Variants in MALT1 observed in about 807,000 individuals in gnomAD.
MALT1 encodes the protein MALT1 paracaspase.
MALT1 carries 36 observed loss-of-function variants against 85.5 expected under a neutral mutation model. The ratio of observed to expected loss-of-function variants is 0.42; its 90% CI spans 0.32 to 0.56. MALT1 has a LOEUF of 0.56. Ranked by LOEUF, MALT1 falls within the 20% of genes least tolerant of loss-of-function variation. The pLI is 0.10. For missense variants in MALT1, 716 were observed against 981.6 expected, an observed-to-expected ratio of 0.73 and a Z score of 3.62; for synonymous variants, 359 against 361.3, an observed-to-expected ratio of 0.99 and a Z score of 0.07.
At chr18:58,736,966 A>G (rs967114997) in intron 13 of MALT1, among the ~76,000 whole-genome samples, 2 of 152,258 alleles carry the variant, frequency 1.3e-5, no homozygotes, top group African/African-American at 4.8e-5. Flanking sequence ...AAGTAGTTGT[A>G]TGAAATTTTT....
rs772472384 is a variant in MALT1, at chr18:58,747,434, A to C, written c.2067A>C (p.Ser689=). ...KEHLVFTVCL[S]YQYSGLEDTV... Reference sequence around the variant, plus strand: ...ATCTAGTCTTCACAGTATGTTTATCATATCAGTACTCAGGATTGGAAGATA... The same window carrying C: ...ATCTAGTCTTCACAGTATGTTTATCCTATCAGTACTCAGGATTGGAAGATA... Residue 689 remains serine (S), a synonymous_variant, in exon 17 of 17, where the codon TCA becomes TCC. Coordinates refer to ENST00000649217, the MANE Select transcript of MALT1 (RefSeq NM_006785.4). 3.1e-6 allele frequency: 5 copies of C among 1,613,110 alleles called. No individual in the cohort carries two copies. Among genetic ancestry groups the C allele is most frequent in the South Asian group, 1.1e-5 (1 of 90,962 alleles).
intron 9 of MALT1, among the ~76,000 whole-genome samples, chr18:58,721,189 G>A (rs571704072): frequency 1.3e-5 from 2 of 152,164 alleles, no homozygotes; most frequent in African/African-American, 2.4e-5. Context: ...AGACCACCCC[G>A]ACCTAAGTGG....
rs1192652668 is a variant in MALT1 at position 58,749,474 on chromosome 18, G to A, written c.*1632G>A. 1 of 215,548 alleles carries A rather than the reference G, an allele frequency of 4.6e-6. No individual in the cohort carries two copies. The highest frequency in any genetic ancestry group is 2.3e-5 in the African/African-American group (1 of 44,330). The allele number at this position is 215,548 out of a possible 1,614,324, so 13.4% of individuals were successfully genotyped here. A position where few individuals can be genotyped will look rare whatever the true frequency, so the allele number is the denominator to read the frequency against. On this transcript the variant is annotated 3_prime_UTR_variant, in exon 17 of 17. Transcript: ENST00000649217. Reference sequence around the variant, plus strand: ...TTGCCCCTGCCATTTCCACCCTCCAGTCATTTCTCTATGAGACTGAAGCAG... The same window carrying A: ...TTGCCCCTGCCATTTCCACCCTCCAATCATTTCTCTATGAGACTGAAGCAG...
chr18:58,708,103 C>T (rs2054782492), intron 4 of MALT1, among the ~76,000 whole-genome samples: 1 of 152,236 alleles, frequency 6.6e-6, no homozygotes, highest in Admixed American at 6.5e-5. Flanking sequence ...AGCAAAGGCA[C>T]TGCATTCACT....
intron 13 of MALT1, among the ~76,000 whole-genome samples, chr18:58,735,807 TAGTAGTTTTTA>T (rs1319949482): frequency 1.3e-5 from 2 of 152,088 alleles, no homozygotes; most frequent in East Asian, 3.8e-4. Flanking sequence ...CTGATGAACT[TAGTAGTTTTTA>T]AATCCTGATT....
At chr18:58,745,947 G>A (rs1437883784) in intron 16 of MALT1, among the ~76,000 whole-genome samples, 156 bp downstream of exon 16, 6 of 152,098 alleles carry the variant, frequency 3.9e-5, no homozygotes, top group Non-Finnish European at 7.3e-5. Context: ...TTCTGTTTCC[G>A]ATGGTGACCA....
intron 5 of MALT1, 26 bp downstream of exon 5, chr18:58,709,582 TG>T: frequency 1.3e-6 from 2 of 1,564,492 alleles, no homozygotes; most frequent in East Asian, 2.3e-5. Flanking sequence ...TGGGGTCTTT[TG>T]GGGGAGTTAA....
At chr18:58,716,091 T>C (rs9959997) in intron 9 of MALT1, 124 bp downstream of exon 9, 163,787 of 682,892 alleles carry the variant, frequency 0.24, 20,251 homozygotes, top group Middle Eastern at 0.33. Context: ...AAATGTTTTA[T>C]TTTTTTGTAT....
At chr18:58,717,460 A>G (rs2054919015) in intron 9 of MALT1, among the ~76,000 whole-genome samples, 1 of 152,200 alleles carries the variant, frequency 6.6e-6, no homozygotes, top group Non-Finnish European at 1.5e-5. Context: ...AAATGGAAGC[A>G]AGGTCTTACA....
At chr18:58,692,294 GAAA>G (rs200833453) in intron 2 of MALT1, 4 of 150,112 alleles carry the variant, frequency 2.7e-5, no homozygotes, top group Admixed American at 2.7e-4. Flanking sequence ...CATTGCAAAG[GAAA>G]AAAAAACTAT....
intron 4 of MALT1, 112 bp downstream of exon 4, chr18:58,700,703 A>G: frequency 2.4e-6 from 2 of 847,492 alleles, no homozygotes; most frequent in Non-Finnish European, 3.4e-6. Context: ...GCAAAATTTC[A>G]CATAGGTACT....
chr18:58,678,125 A>G (rs2054267654), intron 1 of MALT1, among the ~76,000 whole-genome samples: 1 of 152,212 alleles, frequency 6.6e-6, no homozygotes, highest in Admixed American at 6.5e-5. Context: ...GGTAGATAAT[A>G]TTACTAATGA....
chr18:58,734,606 T>TA, intron 12 of MALT1: 1 of 483,120 alleles, frequency 2.1e-6, no homozygotes, highest in Non-Finnish European at 3.7e-6. Flanking sequence ...GTTTTTTGAT[T>TA]ATAGATTAGA....
intron 9 of MALT1, among the ~76,000 whole-genome samples, chr18:58,721,294 G>A (rs2054979191): frequency 1.3e-5 from 2 of 152,084 alleles, no homozygotes; most frequent in Admixed American, 6.5e-5. Context: ...TGGGAGAATC[G>A]CTTGAACCCG....
intron 2 of MALT1, among the ~76,000 whole-genome samples, chr18:58,686,130 G>A (rs533983252): frequency 6.0e-4 from 91 of 152,076 alleles, no homozygotes; most frequent in Non-Finnish European, 1.0e-3. Context: ...AGGTTCAAGC[G>A]ATTCTTCTGC....
At position 58,753,435 on chromosome 18, in the gene MALT1, G is replaced by C. The variant is rs1481963174; in HGVS notation, c.*5593G>C. Reference sequence around the variant, plus strand: ...TTGGCCAGGCTGGTCTCAAACTCCTGACCTCAAGTGATCTGCCTGCCTCGG... The same window carrying C: ...TTGGCCAGGCTGGTCTCAAACTCCTCACCTCAAGTGATCTGCCTGCCTCGG... On this transcript the variant is annotated 3_prime_UTR_variant, in exon 17 of 17. Coordinates refer to ENST00000649217, the MANE Select transcript of MALT1 (RefSeq NM_006785.4). The C allele has an allele frequency of 6.6e-6, 1 of 152,206 alleles. No homozygotes were observed. The highest frequency in any genetic ancestry group is 6.5e-5 in the Admixed American group (1 of 15,268). The allele number at this position is 152,206 out of a possible 1,614,324, so 9.4% of individuals were successfully genotyped here.
At chr18:58,724,343 G>T (rs1026735774) in intron 10 of MALT1, among the ~76,000 whole-genome samples, 2 of 152,132 alleles carry the variant, frequency 1.3e-5, no homozygotes, top group East Asian at 3.9e-4. Context: ...TTTAGAGAAA[G>T]ACAAATGAAG....
intron 1 of MALT1, among the ~76,000 whole-genome samples, chr18:58,673,604 G>A (rs767291174): frequency 2.6e-5 from 4 of 152,238 alleles, no homozygotes; most frequent in Middle Eastern, 3.4e-3. Flanking sequence ...ACAGGCGTGC[G>A]CCACTACAGC....
rs147134935 is a variant in MALT1, at chr18:58,699,858, G to A, written c.499-583G>A. 1.2e-3 allele frequency among the ~76,000 whole-genome samples: 188 copies of A among 152,312 alleles called. 3 individuals are homozygous for A. Among genetic ancestry groups the A allele is most frequent in the African/African-American group, 4.1e-3 (169 of 41,552 alleles). On this transcript the variant is annotated intron_variant, in intron 3 of 16. Coordinates refer to ENST00000649217, the MANE Select transcript of MALT1 (RefSeq NM_006785.4). ...GGTGGGGACTGTGGATGGCCATCCC[G>A]TCTTACTGTCTCATTGATATGCTTT...
Sources: gnomAD v4.1 joint callset for allele counts (sites outside exome capture counted in the v4.1 genomes callset) on GRCh38, gnomAD v4.1.1 for gene constraint, MANE v1.5 for transcripts, NCBI Gene and HGNC (gene_info 2026-07-23, HGNC 2026-07-21) for gene names.